Variants in IL17RC observed in about 807,000 individuals in gnomAD.
IL17RC encodes the protein interleukin 17 receptor C.
Under a neutral mutation model 86.7 loss-of-function variants are expected in IL17RC, and 53 were observed. The observed-to-expected ratio is 0.61, with a 90% CI of 0.49 to 0.77. The LOEUF is 0.77. Among genes scored for constraint, IL17RC ranks in the 30% least tolerant of loss-of-function variants. The probability of loss-of-function intolerance (pLI) is 0.00; values close to 1 mark genes in which losing one functional copy is unlikely to be tolerated. For missense variants in IL17RC, 957 were observed against 940.0 expected, an observed-to-expected ratio of 1.02 and a Z score of -0.24; for synonymous variants, 439 against 413.1, an observed-to-expected ratio of 1.06 and a Z score of -0.76.
At position 9,930,063 on chromosome 3, in the gene IL17RC, T is replaced by C. The variant is rs1350789770; in HGVS notation, c.1192T>C (p.Leu398=). 6.2e-7 allele frequency: 1 copy of C among 1,614,130 alleles called. No homozygotes were observed. Among genetic ancestry groups the C allele is most frequent in the Non-Finnish European group, 8.5e-7 (1 of 1,180,012 alleles). Residue 398 remains leucine (L), a synonymous_variant, in exon 14 of 19, where the codon TTG becomes CTG. Coordinates refer to ENST00000403601, the MANE Select transcript of IL17RC (RefSeq NM_153460.4). The surrounding 1 kb of genome is among the most constrained non-coding windows in gnomAD (Gnocchi z 5.8). ...GCCTCTCAAAGACGATGTGCTACTGTTGGAGACACGAGGCCCCCAGGACAA... is the reference window on the plus strand; with the variant it reads ...GCCTCTCAAAGACGATGTGCTACTGCTGGAGACACGAGGCCCCCAGGACAA... ...LGPLKDDVLL[L]ETRGPQDNRS...
At chr3:9,920,396 G>A (rs2083441592) in intron 5 of IL17RC, 95 bp from the exon 6 acceptor site, 2 of 712,916 alleles carry the variant, frequency 2.8e-6, no homozygotes, top group African/African-American at 1.8e-5. Context: ...GGGGAGGAGG[G>A]CAGTGAGCAG....
chr3:9,921,218 G>C (rs2083517918), intron 7 of IL17RC, among the ~76,000 whole-genome samples: 1 of 152,206 alleles, frequency 6.6e-6, no homozygotes, highest in South Asian at 2.1e-4. Context: ...ACTTTGGGAG[G>C]CCGAGGTAGA....
At position 9,920,993 on chromosome 3, in the gene IL17RC, G is replaced by A. The variant is rs199615907; in HGVS notation, c.622+24G>A. On this transcript the variant is annotated intron_variant, in intron 7 of 18. Coordinates refer to ENST00000403601, the MANE Select transcript of IL17RC (RefSeq NM_153460.4). Reference sequence around the variant, plus strand: ...GGGTAGGGGCTAGGGCCAGTGGGCCGGGGGTAGGGAGGGGCAGGGTCTGGA... The same window carrying A: ...GGGTAGGGGCTAGGGCCAGTGGGCCAGGGGTAGGGAGGGGCAGGGTCTGGA... The A allele has an allele frequency of 6.2e-5, 95 of 1,533,762 alleles. 1 individual carries two copies. The African/African-American group carries it at 7.6e-4, about 12-fold the overall frequency.
chr3:9,924,443 T>G, intron 9 of IL17RC, 152 bp downstream of exon 9: 1 of 695,882 alleles, frequency 1.4e-6, no homozygotes, highest in Non-Finnish European at 2.5e-6. Flanking sequence ...TGACCCTTGC[T>G]GTCCTATGCC....
At chr3:9,931,468 C>CATATATATATATATATATATAT (rs1164461805) in intron 16 of IL17RC, among the ~76,000 whole-genome samples, 1 of 17,918 alleles carries the variant, frequency 5.6e-5, no homozygotes, top group Non-Finnish European at 2.5e-4. Context: ...CACACACACA[C>CATATATATATATATATATATAT]ACATATATAT....
At position 9,923,968 on chromosome 3, in the gene IL17RC, T is replaced by G. The variant is rs1408372429; in HGVS notation, c.710T>G (p.Leu237Arg). ...VSEEQHFGLS[L>R]YWNQVQGPPK... ...GAGGAGCAGCACTTCGGCCTCTCCCTGTACTGGAATCAGGTCCAGGGCCCC... is the reference window on the plus strand; with the variant it reads ...GAGGAGCAGCACTTCGGCCTCTCCCGGTACTGGAATCAGGTCCAGGGCCCC... Residue 237 changes from leucine (L) to arginine (R), a missense_variant, in exon 8 of 19, where the codon CTG becomes CGG. Leu to Arg is a moderately radical substitution (Grantham distance 102). Transcript: ENST00000403601. The G allele has an allele frequency of 6.2e-7, 1 of 1,614,184 alleles. No individual in the cohort carries two copies. Among genetic ancestry groups the G allele is most frequent in the East Asian group, 2.2e-5 (1 of 44,888 alleles).
At chr3:9,927,183 GAATA>G (rs1160083636) in intron 9 of IL17RC, among the ~76,000 whole-genome samples, 1 of 152,246 alleles carries the variant, frequency 6.6e-6, no homozygotes, top group Non-Finnish European at 1.5e-5. Context: ...TCTGTTGAAA[GAATA>G]AATGAATGTG....
chr3:9,930,381 C>T lies in IL17RC; in HGVS notation c.1279-19C>T, dbSNP rs200219209. The stretch of plus-strand genomic sequence containing the variant: ...GTGCTACCTCCAGGTAACAGTGCCC[C>T]CATCCTTTGGCTTGGCAGAGGGCAG... On this transcript the variant is annotated intron_variant, in intron 14 of 18. Coordinates refer to ENST00000403601, the MANE Select transcript of IL17RC (RefSeq NM_153460.4). This position sits in a 1 kb window ranked among gnomAD's most constrained non-coding sequence, Gnocchi z 5.8. 36 of 1,613,870 alleles carry T rather than the reference C, an allele frequency of 2.2e-5. No individual in the cohort carries two copies. In the African/African-American group the frequency reaches 4.0e-4, roughly 18 times the overall value.
chr3:9,929,123 G>C (rs1243454407), intron 12 of IL17RC: 1 of 155,686 alleles, frequency 6.4e-6, no homozygotes, highest in East Asian at 1.9e-4. Context: ...GACCATCCTG[G>C]CTAACATGGT....
At chr3:9,921,018 A>C (rs2083495566) in intron 7 of IL17RC, 49 bp downstream of exon 7, 1 of 1,315,554 alleles carries the variant, frequency 7.6e-7, no homozygotes, top group Non-Finnish European at 1.1e-6. Flanking sequence ...CAGGGTCTGG[A>C]GTATAAGAAA....
At chr3:9,927,497 G>T (rs971193055) in intron 9 of IL17RC, among the ~76,000 whole-genome samples, 3 of 152,228 alleles carry the variant, frequency 2.0e-5, no homozygotes, top group Non-Finnish European at 4.4e-5. Context: ...GGCGGAGGTT[G>T]TGGTGAGCTG....
At position 9,930,433 on chromosome 3, in the gene IL17RC, G is replaced by C; in HGVS notation, c.1312G>C (p.Asp438His). The C allele has an allele frequency of 6.2e-7, 1 of 1,614,070 alleles. No homozygotes were observed. Among genetic ancestry groups the C allele is most frequent in the East Asian group, 2.2e-5 (1 of 44,886 alleles). Residue 438 changes from aspartate (D) to histidine (H), a missense_variant, in exon 15 of 19, where the codon GAC becomes CAC. Transcript: ENST00000403601. This position sits in a 1 kb window ranked among gnomAD's most constrained non-coding sequence, Gnocchi z 5.8. The stretch of plus-strand genomic sequence containing the variant: ...TCGCCTTGGAGAGTACTTACTACAA[G>C]ACCTGCAGTCAGGCCAGTGTCTGCA... ...AARLGEYLLQ[D>H]LQSGQCLQLW...
At position 9,917,975 on chromosome 3, in the gene IL17RC, G is replaced by A. The variant is rs200741696; in HGVS notation, c.180G>A (p.Val60=). Residue 60 remains valine, a synonymous_variant, in exon 3 of 19, where the codon GTG becomes GTA. Transcript: ENST00000403601. ...ACATCGTGCCTGCTCCGGGCCCCGT[G>A]CTGGCGCCTACGCACCTGCAGACAG... The part of the protein sequence containing the change: ...PGDIVPAPGP[V]LAPTHLQTEL... The A allele has an allele frequency of 4.3e-6, 7 of 1,613,820 alleles. No homozygotes were observed. In the East Asian group the frequency reaches 1.1e-4, roughly 26 times the overall value.
Position 9,929,896 on chromosome 3 carries a change from T to A in IL17RC, c.1155T>A (p.Ala385=). Residue 385 remains alanine, a splice_region_variant and synonymous_variant, in exon 13 of 19, where the codon GCT becomes GCA. Coordinates refer to ENST00000403601, the MANE Select transcript of IL17RC (RefSeq NM_153460.4). ...TGCAGCTGCAGGAGTGCTTGTGGGC[T>A]GGTGAGTTGGGCCTGGGGGCAGCTG... The part of the protein sequence containing the change: ...EKLQLQECLW[A]DSLGPLKDDV... 6.2e-7 allele frequency: 1 copy of A among 1,614,128 alleles called. No individual in the cohort carries two copies. Among genetic ancestry groups the A allele is most frequent in the Non-Finnish European group, 8.5e-7 (1 of 1,180,008 alleles).
chr3:9,919,283 C>T (rs1403444872), intron 5 of IL17RC: 1 of 152,112 alleles, frequency 6.6e-6, no homozygotes, highest in African/African-American at 2.4e-5. Context: ...ATTTGTGTAA[C>T]TTCCTTGTGA....
rs564583795 is a variant in IL17RC, at chr3:9,933,530, G to T, written c.2100G>T (p.Gly700=). The T allele has an allele frequency of 3.1e-6, 5 of 1,607,632 alleles. No individual in the cohort carries two copies. In the Admixed American group the frequency reaches 5.0e-5, roughly 16 times the overall value. Reference sequence around the variant, plus strand: ...TGGATAGCTACTTCCATCCCCCGGGGACTCCCGCGCCGGGACGCGGGGTGG... The same window carrying T: ...TGGATAGCTACTTCCATCCCCCGGGTACTCCCGCGCCGGGACGCGGGGTGG... ...PALDSYFHPP[G]TPAPGRGVGP... is the part of the protein sequence containing the mutation. The change falls in exon 19 of 19, where the codon GGG becomes GGT. Residue 700 remains glycine (G), a synonymous_variant. Transcript: ENST00000403601.
chr3:9,922,867 G>A (rs1277688156), intron 7 of IL17RC, among the ~76,000 whole-genome samples: 1 of 152,146 alleles, frequency 6.6e-6, no homozygotes, highest in East Asian at 1.9e-4. Flanking sequence ...GAGTATGTCA[G>A]GGGTGTTTAA....
chr3:9,925,439 A>C (rs1244789741), intron 9 of IL17RC, among the ~76,000 whole-genome samples: 1 of 152,050 alleles, frequency 6.6e-6, no homozygotes, highest in Non-Finnish European at 1.5e-5. Context: ...TTAATTGGTC[A>C]TCAGGTCTCA....
intron 17 of IL17RC, 50 bp downstream of exon 17, chr3:9,932,753 G>C (rs1178520846): frequency 6.2e-7 from 1 of 1,605,744 alleles, no homozygotes; most frequent in East Asian, 2.2e-5. Context: ...CAGAGTGGCT[G>C]TGGGAGTTCT....
Sources: gnomAD v4.1 joint callset for allele counts (sites outside exome capture counted in the v4.1 genomes callset) on GRCh38, gnomAD v4.1.1 for gene constraint, Gnocchi (gnomAD v3.1) non-coding constraint, MANE v1.5 for transcripts, NCBI Gene and HGNC (gene_info 2026-07-23, HGNC 2026-07-21) for gene names.